Variants in OSBPL8 observed in about 807,000 individuals in gnomAD.
OSBPL8 encodes oxysterol-binding protein-related protein 8.
A neutral mutation model predicts 125.5 loss-of-function variants in OSBPL8; 59 were observed. That is an observed-to-expected ratio of 0.47 (90% confidence interval 0.38 to 0.58). The LOEUF is 0.58. OSBPL8 is among the 20% of genes least tolerant of loss of function. The probability of loss-of-function intolerance (pLI) is 0.00; values close to 1 mark genes in which losing one functional copy is unlikely to be tolerated. For synonymous variants in OSBPL8, 330 were observed against 338.9 expected, an observed-to-expected ratio of 0.97 and a Z score of 0.29; for missense variants, 758 against 1,047.8, an observed-to-expected ratio of 0.72 and a Z score of 3.82.
chr12:76,430,523 A>G (rs972574679), intron 4 of OSBPL8, among the ~76,000 whole-genome samples: 4 of 152,224 alleles, frequency 2.6e-5, no homozygotes, highest in South Asian at 2.1e-4. Context: ...TCACCAAAAG[A>G]GGCAAATAAA....
chr12:76,548,780 C>T (rs924765447), intron 1 of OSBPL8, among the ~76,000 whole-genome samples: 1 of 152,046 alleles, frequency 6.6e-6, no homozygotes, highest in Admixed American at 6.6e-5. Context: ...GGAAAACAGT[C>T]CAAGGAACAG....
At chr12:76,454,054 G>A (rs986899607) in intron 3 of OSBPL8, among the ~76,000 whole-genome samples, 9 of 152,108 alleles carry the variant, frequency 5.9e-5, no homozygotes, top group Admixed American at 2.0e-4. Context: ...ATACTGATGA[G>A]GATGGGATCA....
rs190377104 is a variant in OSBPL8 at position 76,396,855 on chromosome 12, A to G, written c.672+839T>C. ...GAGACAGGGTCTTGTTCTGTTGCCC[A>G]GGCTGAAGTGCAGTGGCACGCTCAT... On this transcript the variant is annotated intron_variant, in intron 8 of 23. Transcript: ENST00000261183. Among the ~76,000 whole-genome samples, 392 of 152,292 alleles carry G rather than the reference A, an allele frequency of 2.6e-3. 2 individuals are homozygous for G. Among genetic ancestry groups the G allele is most frequent in the African/African-American group, 9.1e-3 (377 of 41,566 alleles).
At chr12:76,367,885 T>C (rs1230191846) in intron 21 of OSBPL8, among the ~76,000 whole-genome samples, 2 of 152,248 alleles carry the variant, frequency 1.3e-5, no homozygotes, top group African/African-American at 4.8e-5. Context: ...TCTTTACACA[T>C]TGTATGTCTG....
intron 1 of OSBPL8, among the ~76,000 whole-genome samples, chr12:76,493,087 T>C (rs984877592): frequency 6.6e-6 from 1 of 152,212 alleles, no homozygotes; most frequent in Non-Finnish European, 1.5e-5. Context: ...TGCCACCCTA[T>C]CATTTTCCAC....
Position 76,352,544 on chromosome 12 carries a change from A to G in OSBPL8, c.*3345T>C, listed in dbSNP as rs1375620029. The G allele has an allele frequency of 2.0e-5, 3 of 152,578 alleles. No homozygotes were observed. The highest frequency in any genetic ancestry group is 4.8e-5 in the African/African-American group (2 of 41,454). 9.5% of individuals were successfully genotyped at this position (152,578 alleles called of 1,614,324 possible). A position where few individuals can be genotyped will look rare whatever the true frequency, so the allele number is the denominator to read the frequency against. On this transcript the variant is annotated 3_prime_UTR_variant, in exon 24 of 24. Coordinates refer to ENST00000261183, the MANE Select transcript of OSBPL8 (RefSeq NM_020841.5). ...TTAGTCAAATAAGATAGAAATTGAAATGTAAACTTACTGATTTCTGTGGGA... is the reference window on the plus strand; with the variant it reads ...TTAGTCAAATAAGATAGAAATTGAAGTGTAAACTTACTGATTTCTGTGGGA...
At chr12:76,442,668 T>TA (rs1329697084) in intron 4 of OSBPL8, among the ~76,000 whole-genome samples, 1 of 152,158 alleles carries the variant, frequency 6.6e-6, no homozygotes, top group Non-Finnish European at 1.5e-5. Context: ...TTTTCCAAAA[T>TA]ATAACATATT....
chr12:76,422,180 GTTTA>G (rs1436080411), intron 4 of OSBPL8, among the ~76,000 whole-genome samples: 3 of 151,974 alleles, frequency 2.0e-5, no homozygotes, highest in Non-Finnish European at 4.4e-5. Context: ...AGAGCAATGT[GTTTA>G]TTTATATAAT....
intron 22 of OSBPL8, 65 bp downstream of exon 22, chr12:76,358,641 T>C: frequency 2.2e-6 from 3 of 1,348,976 alleles, no homozygotes; most frequent in Non-Finnish European, 3.2e-6. Flanking sequence ...AAAAACCATA[T>C]TCATATCAAA....
At position 76,392,575 on chromosome 12, in the gene OSBPL8, A is replaced by G. The variant is rs1167719545; in HGVS notation, c.929+6T>C. On this transcript the variant is annotated splice_donor_region_variant and intron_variant, in intron 10 of 23. Transcript: ENST00000261183. The stretch of plus-strand genomic sequence containing the variant: ...CATTACCAACTCAGCGGCAGTATCT[A>G]CTTACTGGAAGTTATCACCACTGTG... 7 of 1,601,880 alleles carry G rather than the reference A, an allele frequency of 4.4e-6. No homozygotes were observed. In the East Asian group the frequency reaches 1.3e-4, roughly 31 times the overall value.
At chr12:76,405,302 T>TA (rs911831612) in intron 5 of OSBPL8, among the ~76,000 whole-genome samples, 8 of 151,602 alleles carry the variant, frequency 5.3e-5, no homozygotes, top group African/African-American at 1.9e-4. Flanking sequence ...CTATGAAAAA[T>TA]AAAAAAATTA....
intron 22 of OSBPL8, among the ~76,000 whole-genome samples, chr12:76,357,076 C>CT (rs1006851216): frequency 5.9e-5 from 9 of 152,106 alleles, no homozygotes; most frequent in African/African-American, 2.2e-4. Flanking sequence ...TTCTTGAGCC[C>CT]TTTTTTCCAA....
At chr12:76,377,491 C>T (rs945758663) in intron 16 of OSBPL8, among the ~76,000 whole-genome samples, 1 of 152,140 alleles carries the variant, frequency 6.6e-6, no homozygotes, top group Non-Finnish European at 1.5e-5. Flanking sequence ...GATGCTATCT[C>T]ATTGTGGTTT....
intron 2 of OSBPL8, among the ~76,000 whole-genome samples, chr12:76,469,133 C>T (rs1875816186): frequency 6.6e-6 from 1 of 152,162 alleles, no homozygotes; most frequent in Non-Finnish European, 1.5e-5. Flanking sequence ...CCTCTCTCTG[C>T]ATCCTAGAAT....
At chr12:76,416,895 A>G (rs536438598) in intron 4 of OSBPL8, among the ~76,000 whole-genome samples, 20 of 152,268 alleles carry the variant, frequency 1.3e-4, no homozygotes, top group Admixed American at 1.1e-3. Context: ...TAAACTAGTT[A>G]AGATTTAAAA....
chr12:76,360,210 T>A (rs1441821113), intron 21 of OSBPL8, among the ~76,000 whole-genome samples: 1 of 152,156 alleles, frequency 6.6e-6, no homozygotes, highest in Non-Finnish European at 1.5e-5. Context: ...ATACAACTGT[T>A]CCAAATGGGA....
intron 1 of OSBPL8, among the ~76,000 whole-genome samples, chr12:76,527,875 T>C (rs1432727021): frequency 6.6e-6 from 1 of 152,142 alleles, no homozygotes; most frequent in African/African-American, 2.4e-5. Flanking sequence ...CTTGAAAAGG[T>C]AGTCTAGAGT....
chr12:76,501,548 G>C (rs1307807041), intron 1 of OSBPL8, among the ~76,000 whole-genome samples: 1 of 152,210 alleles, frequency 6.6e-6, no homozygotes, highest in African/African-American at 2.4e-5. Context: ...AATGATCAAG[G>C]AAATAGGAGA....
chr12:76,426,491 A>C (rs1870162266), intron 4 of OSBPL8, among the ~76,000 whole-genome samples: 1 of 152,190 alleles, frequency 6.6e-6, no homozygotes, highest in African/African-American at 2.4e-5. Context: ...ACCAGAAAAA[A>C]AGAAAAGGCA....
Sources: gnomAD v4.1 joint callset for allele counts (sites outside exome capture counted in the v4.1 genomes callset) on GRCh38, gnomAD v4.1.1 for gene constraint, MANE v1.5 for transcripts, NCBI Gene and HGNC (gene_info 2026-07-23, HGNC 2026-07-21) for gene names.